Variants in CGAS observed in about 807,000 individuals in gnomAD.
The protein encoded by CGAS is cyclic GMP-AMP synthase.
CGAS carries 31 observed loss-of-function variants against 34.0 expected under a neutral mutation model. That is an observed-to-expected ratio of 0.91 (90% CI 0.69 to 1.23). The LOEUF (loss-of-function observed/expected upper bound fraction) is 1.23. CGAS is among the 50% of genes most tolerant of loss of function. The pLI is 0.00. For synonymous variants in CGAS, 266 were observed against 260.0 expected (o/e 1.02, Z -0.22); for missense variants, 597 against 657.6 (o/e 0.91, Z 1.01).
At chr6:73,445,494 T>A (rs748053673) in intron 2 of CGAS, 34 bp downstream of exon 2, 1 of 1,487,594 alleles carries the variant, frequency 6.7e-7, no homozygotes, top group Non-Finnish European at 9.2e-7. Context: ...TAGGTATAAT[T>A]AAACCTTTAA....
rs181566219 is a variant in CGAS, at chr6:73,447,147, T to A, written c.658-1400A>T. 2.1e-4 allele frequency among the ~76,000 whole-genome samples: 32 copies of A among 152,376 alleles called. No homozygotes were observed. In the East Asian group the frequency reaches 2.3e-3, roughly 11 times the overall value. ...ACTGATTGCATTAAATCTAGAACAA[T>A]TTGAGGAAAAATGAACACGATATAG... On this transcript the variant is annotated intron_variant, in intron 1 of 4. Transcript: ENST00000370315.
intron 4 of CGAS, among the ~76,000 whole-genome samples, chr6:73,427,558 C>G (rs911048375): frequency 6.6e-6 from 1 of 152,144 alleles, no homozygotes; most frequent in Non-Finnish European, 1.5e-5. Flanking sequence ...CCCTGGCCTC[C>G]CAAAGTGCTG....
intron 1 of CGAS, 121 bp downstream of exon 1, chr6:73,451,404 A>G: frequency 5.2e-6 from 6 of 1,153,512 alleles, no homozygotes; most frequent in Non-Finnish European, 7.2e-6. Context: ...CTACCGAAAA[A>G]CATGCAAAAG....
intron 3 of CGAS, among the ~76,000 whole-genome samples, chr6:73,434,854 G>A (rs1770254396): frequency 6.6e-6 from 1 of 151,946 alleles, no homozygotes; most frequent in Non-Finnish European, 1.5e-5. Flanking sequence ...TGCCATGTTG[G>A]CCAGGGTGGT....
Position 73,451,826 on chromosome 6 carries a change from C to A in CGAS, c.356G>T (p.Gly119Val), listed in dbSNP as rs1225685356. 1 of 1,554,702 alleles carries A rather than the reference C, an allele frequency of 6.4e-7. No individual in the cohort carries two copies. The highest frequency in any genetic ancestry group is 8.7e-7 in the Non-Finnish European group (1 of 1,150,188). ...AAREPALSRA[G>V]SCRQRGARCS... ...GCGCGCGCCCCTCTGGCGGCAAGAA[C>A]CAGCCCTGGAAAGAGCCGGCTCCCG... Residue 119 changes from glycine (G) to valine (V), a missense_variant, in exon 1 of 5, where the codon GGT becomes GTT. Gly to Val is a moderately radical substitution (Grantham distance 109, BLOSUM62 -3). Coordinates refer to ENST00000370315, the MANE Select transcript of CGAS (RefSeq NM_138441.3).
At chr6:73,428,502 C>T (rs1304435790) in intron 4 of CGAS, among the ~76,000 whole-genome samples, 1 of 152,030 alleles carries the variant, frequency 6.6e-6, no homozygotes, top group Non-Finnish European at 1.5e-5. Flanking sequence ...ACTACTATTC[C>T]CCGGCCTTGC....
In CGAS at chr6:73,425,197, T is replaced by C; in HGVS notation, c.*30A>G. The C allele has an allele frequency of 6.8e-7, 1 of 1,464,314 alleles. No individual in the cohort carries two copies. The highest frequency in any genetic ancestry group is 1.3e-5 in the South Asian group (1 of 78,540). The allele number at this position is 1,464,314 out of a possible 1,614,324, so 90.7% of individuals were successfully genotyped here. On this transcript the variant is annotated 3_prime_UTR_variant, in exon 5 of 5. Coordinates refer to ENST00000370315, the MANE Select transcript of CGAS (RefSeq NM_138441.3). The stretch of plus-strand genomic sequence containing the variant: ...TATTCTCCAGGATTTAGGGTGACTC[T>C]AGTTCTTAGATCTTTCTAAAAATAC...
intron 1 of CGAS, among the ~76,000 whole-genome samples, 169 bp downstream of exon 1, chr6:73,451,356 T>C (rs2150019551): frequency 6.6e-6 from 1 of 152,272 alleles, no homozygotes; most frequent in South Asian, 2.1e-4. Flanking sequence ...GATGTGTAGA[T>C]GAATAAACGA....
At position 73,451,567 on chromosome 6, in the gene CGAS, G is replaced by A; in HGVS notation, c.615C>T (p.Gly205=). 2 of 1,608,080 alleles carry A rather than the reference G, an allele frequency of 1.2e-6. No homozygotes were observed. The highest frequency in any genetic ancestry group is 1.7e-6 in the Non-Finnish European group (2 of 1,177,510). The change falls in exon 1 of 5, where the codon GGC becomes GGT. Residue 205 remains glycine, a synonymous_variant. Coordinates refer to ENST00000370315, the MANE Select transcript of CGAS (RefSeq NM_138441.3). ...LRLKCDSAFR[G]VGLLNTGSYY... ...AGCTCCCGGTGTTCAGCAGCCCGACGCCTCTGAACGCGGAGTCGCACTTCA... is the reference window on the plus strand; with the variant it reads ...AGCTCCCGGTGTTCAGCAGCCCGACACCTCTGAACGCGGAGTCGCACTTCA...
intron 3 of CGAS, among the ~76,000 whole-genome samples, chr6:73,430,927 C>A (rs1770184679): frequency 6.6e-6 from 1 of 151,838 alleles, no homozygotes; most frequent in Non-Finnish European, 1.5e-5. Context: ...CATGGCGAAA[C>A]TCCGTCGCTA....
chr6:73,435,778 TA>T (rs59217000), intron 3 of CGAS, among the ~76,000 whole-genome samples: 8,713 of 137,072 alleles, frequency 0.064, 465 homozygotes, highest in African/African-American at 0.15. Context: ...GTGTCTACTT[TA>T]AAAAAAAAAA....
chr6:73,429,033 A>G lies in CGAS; in HGVS notation c.1115-222T>C, dbSNP rs150105510. On this transcript the variant is annotated intron_variant, in intron 3 of 4. Transcript: ENST00000370315. ...GAAACCCATCTCTACCAAAAATACA[A>G]AAAAAAGTTATCCTGGCATGGTGGC... is the stretch of plus-strand genomic sequence containing the variant. Among the ~76,000 whole-genome samples the G allele has an allele frequency of 2.1e-3, 318 of 151,576 alleles. 1 individual carries two copies. The highest frequency in any genetic ancestry group is 7.4e-3 in the African/African-American group (304 of 41,008).
chr6:73,451,034 A>T (rs2150019428), intron 1 of CGAS, among the ~76,000 whole-genome samples: 1 of 151,248 alleles, frequency 6.6e-6, no homozygotes, highest in East Asian at 2.0e-4. Flanking sequence ...AAAAAAAGAA[A>T]TTGGGGTCAG....
rs1319608405 is a variant in CGAS, at chr6:73,451,762, G to A, written c.420C>T (p.Asp140=). 6.2e-7 allele frequency: 1 copy of A among 1,606,256 alleles called. No individual in the cohort carries two copies. Among genetic ancestry groups the A allele is most frequent in the South Asian group, 1.1e-5 (1 of 90,334 alleles). ...TKPRPPPGPW[D]VPSPGLPVSA... ...AGACCGGCAGGCCGGGGCTGGGCAC[G>A]TCCCAGGGCCCGGGCGGAGGTCTTG... The change falls in exon 1 of 5, where the codon GAC becomes GAT. Residue 140 remains aspartate, a synonymous_variant. Coordinates refer to ENST00000370315, the MANE Select transcript of CGAS (RefSeq NM_138441.3).
intron 3 of CGAS, among the ~76,000 whole-genome samples, chr6:73,430,663 A>AG (rs1770180311): frequency 6.6e-6 from 1 of 152,092 alleles, no homozygotes; most frequent in Non-Finnish European, 1.5e-5. Flanking sequence ...AAATGAAAAA[A>AG]GAAAAAAAAA....
chr6:73,428,607 C>T, intron 4 of CGAS, 102 bp downstream of exon 4: 1 of 1,084,160 alleles, frequency 9.2e-7, no homozygotes, highest in Non-Finnish European at 1.3e-6. Context: ...GCCCTGCCCC[C>T]CAGACCCAAC....
intron 4 of CGAS, among the ~76,000 whole-genome samples, chr6:73,426,081 G>A (rs999106177): frequency 6.6e-6 from 1 of 152,006 alleles, no homozygotes; most frequent in African/African-American, 2.4e-5. Context: ...TCAAGAGTTC[G>A]AGATCAGCCT....
Position 73,433,891 on chromosome 6 carries a change from A to T in CGAS, c.1115-5080T>A, listed in dbSNP as rs1770235878. Among the ~76,000 whole-genome samples the T allele has an allele frequency of 2.0e-5, 3 of 152,322 alleles. No individual in the cohort carries two copies. In the South Asian group the frequency reaches 6.2e-4, roughly 32 times the overall value. ...GCTGGAATTACAGGCATAAGTCATCATTCCTGGCCCCAAATTTATCTATAG... is the reference window on the plus strand; with the variant it reads ...GCTGGAATTACAGGCATAAGTCATCTTTCCTGGCCCCAAATTTATCTATAG... On this transcript the variant is annotated intron_variant, in intron 3 of 4. Coordinates refer to ENST00000370315, the MANE Select transcript of CGAS (RefSeq NM_138441.3).
At chr6:73,425,705 G>T in intron 4 of CGAS, 127 bp from the exon 5 acceptor site, 1 of 618,988 alleles carries the variant, frequency 1.6e-6, no homozygotes. Context: ...CGGGCGTGGT[G>T]ACACAACGCC....
Sources: allele counts gnomAD v4.1 joint callset (sites outside exome capture counted in the v4.1 genomes callset), GRCh38; gene constraint gnomAD v4.1.1; transcripts MANE v1.5; gene names NCBI Gene and HGNC (gene_info 2026-07-23, HGNC 2026-07-21).